Variants in NOL10 observed in about 807,000 individuals in gnomAD.
NOL10 encodes the protein H_NH0074G24.1.
NOL10 carries 58 observed loss-of-function variants against 103.5 expected under a neutral mutation model. That is an observed-to-expected ratio of 0.56 (90% CI 0.45 to 0.70). The LOEUF (loss-of-function observed/expected upper bound fraction) is 0.70. NOL10 is among the 30% of genes least tolerant of loss of function. The pLI is 0.00. For missense variants in NOL10, 763 were observed against 807.3 expected, an observed-to-expected ratio of 0.95 and a Z score of 0.67; for synonymous variants, 287 against 282.5, an observed-to-expected ratio of 1.02 and a Z score of -0.16.
At chr2:10,601,449 A>G (rs778647573) in intron 16 of NOL10, among the ~76,000 whole-genome samples, 10 of 152,302 alleles carry the variant, frequency 6.6e-5, no homozygotes, top group South Asian at 2.1e-4. Flanking sequence ...CATGGCAAAA[A>G]AACGGCAACC....
At chr2:10,633,919 T>A (rs1357412064) in intron 13 of NOL10, among the ~76,000 whole-genome samples, 2 of 152,084 alleles carry the variant, frequency 1.3e-5, no homozygotes, top group Admixed American at 1.3e-4. Context: ...CTCAAACTCC[T>A]GGGCTCAAGG....
At chr2:10,642,852 A>G (rs1320096456) in intron 13 of NOL10, among the ~76,000 whole-genome samples, 2 of 151,842 alleles carry the variant, frequency 1.3e-5, no homozygotes, top group Non-Finnish European at 2.9e-5. Context: ...GGTCTCTCCT[A>G]CGTGCTCCCA....
At position 10,682,081 on chromosome 2, in the gene NOL10, G is replaced by GA; in HGVS notation, c.113-13dup. ...TCTCCTACGGACATCTAAAAAGAGA[G>GA]AAAAAAACAACTAGTTTAACTAACA... On this transcript the variant is annotated splice_polypyrimidine_tract_variant and intron_variant, in intron 2 of 20. Coordinates refer to ENST00000381685, the MANE Select transcript of NOL10 (RefSeq NM_024894.4). 7 of 1,322,996 alleles carry GA rather than the reference G, an allele frequency of 5.3e-6. No homozygotes were observed. Among genetic ancestry groups the GA allele is most frequent in the South Asian group, 5.0e-5 (3 of 60,174 alleles). The allele number at this position is 1,322,996 out of a possible 1,614,324, so 82.0% of individuals were successfully genotyped here.
At chr2:10,643,255 T>C (rs191914795) in intron 13 of NOL10, among the ~76,000 whole-genome samples, 1 of 152,324 alleles carries the variant, frequency 6.6e-6, no homozygotes, top group African/African-American at 2.4e-5. Context: ...ATGCTTTTTT[T>C]ATGTGTGAAA....
At chr2:10,573,949 G>C (rs1674317953) in intron 20 of NOL10, among the ~76,000 whole-genome samples, 1 of 152,112 alleles carries the variant, frequency 6.6e-6, no homozygotes, top group Non-Finnish European at 1.5e-5. Flanking sequence ...TCTCCATGCA[G>C]CAACCGGAAG....
chr2:10,583,223 T>A (rs1674851979), intron 19 of NOL10, among the ~76,000 whole-genome samples: 1 of 152,374 alleles, frequency 6.6e-6, no homozygotes, highest in Middle Eastern at 3.4e-3. Context: ...AATCAGTACA[T>A]CTGTGAATTC....
Position 10,589,739 on chromosome 2 carries a change from T to C in NOL10, c.1435A>G (p.Ile479Val), listed in dbSNP as rs778754665. Residue 479 changes from isoleucine (I) to valine (V), a missense_variant, in exon 18 of 21, where the codon ATT becomes GTT. Transcript: ENST00000381685. ...ACTTTAAATCGATCATCGGTGAGAA[T>C]ATTAGGAAGACTCTACAAGGAGGAA... is the stretch of plus-strand genomic sequence containing the variant. ...WKKKVKSLPN[I>V]LTDDRFKVMF... The C allele has an allele frequency of 2.5e-5, 39 of 1,534,852 alleles. No homozygotes were observed. In the South Asian group the frequency reaches 4.1e-4, roughly 16 times the overall value.
chr2:10,666,748 A>G (rs1251643566), intron 8 of NOL10, among the ~76,000 whole-genome samples: 1 of 152,110 alleles, frequency 6.6e-6, no homozygotes, highest in Non-Finnish European at 1.5e-5. Flanking sequence ...ATACAATTTC[A>G]GTTTGGTAAA....
intron 19 of NOL10, among the ~76,000 whole-genome samples, chr2:10,583,624 T>G (rs960072949): frequency 3.3e-5 from 5 of 152,252 alleles, no homozygotes; most frequent in African/African-American, 4.8e-5. Context: ...CATCTCTACG[T>G]CATCCCTGAC....
chr2:10,666,278 A>C lies in NOL10; in HGVS notation c.591+940T>G, dbSNP rs529952212. Among the ~76,000 whole-genome samples the C allele has an allele frequency of 1.4e-4, 22 of 152,302 alleles. No individual in the cohort carries two copies. The South Asian group carries it at 3.3e-3, about 23-fold the overall frequency. On this transcript the variant is annotated intron_variant, in intron 8 of 20. Transcript: ENST00000381685. Reference sequence around the variant, plus strand: ...TAAAAATAATTTGAGTAAAAAAAAAACCATTAATTCCATCCATATGAAACT... The same window carrying C: ...TAAAAATAATTTGAGTAAAAAAAAACCCATTAATTCCATCCATATGAAACT...
Position 10,607,221 on chromosome 2 carries a change from A to C in NOL10, c.1117T>G (p.Tyr373Asp). ...ENPESTVYDD[Y>D]KFVTKKDLEN... ...AGGTCTTTCTTGGTGACAAATTTAT[A>C]ATCATCATAGACTGTGCTTTCTGGA... The change falls in exon 14 of 21, where the codon TAT becomes GAT. Residue 373 changes from tyrosine to aspartate, a missense_variant. Transcript: ENST00000381685. The C allele has an allele frequency of 1.3e-6, 2 of 1,593,668 alleles. No homozygotes were observed. Among genetic ancestry groups the C allele is most frequent in the Non-Finnish European group, 1.7e-6 (2 of 1,169,348 alleles).
intron 20 of NOL10, 92 bp downstream of exon 20, chr2:10,577,544 T>G (rs1334564787): frequency 6.7e-6 from 6 of 897,738 alleles, no homozygotes; most frequent in East Asian, 2.7e-5. Flanking sequence ...GGAAAAGCAT[T>G]GAGAAGGCTG....
At chr2:10,630,413 C>T (rs553815335) in intron 13 of NOL10, among the ~76,000 whole-genome samples, 16 of 152,254 alleles carry the variant, frequency 1.1e-4, no homozygotes, top group Admixed American at 8.5e-4. Context: ...TGCCATTTGA[C>T]CTTAAACAAT....
intron 13 of NOL10, among the ~76,000 whole-genome samples, chr2:10,618,529 A>G (rs1452492925): frequency 6.6e-6 from 1 of 152,222 alleles, no homozygotes; most frequent in Non-Finnish European, 1.5e-5. Context: ...TATGATTAAT[A>G]TTTGCAAAGT....
rs1558270430 is a variant in NOL10 at position 10,587,158 on chromosome 2, C to CACATATATAT, written c.1844+1884_1844+1885insATATATATGT. 2.7e-3 allele frequency among the ~76,000 whole-genome samples: 88 copies of CACATATATAT among 33,154 alleles called. 13 individuals are homozygous for CACATATATAT. Among genetic ancestry groups the CACATATATAT allele is most frequent in the Middle Eastern group, 0.011 (1 of 88 alleles). 21.8% of individuals were successfully genotyped at this position (33,154 alleles called of 152,430 possible). A position where few individuals can be genotyped will look rare whatever the true frequency, so the allele number is the denominator to read the frequency against. ...ATATACACATATATATACATATATA[C>CACATATATAT]ACATATATACACATATATATACACA... On this transcript the variant is annotated intron_variant, in intron 19 of 20. Transcript: ENST00000381685.
chr2:10,625,193 G>A (rs913889783), intron 13 of NOL10, among the ~76,000 whole-genome samples: 14 of 152,190 alleles, frequency 9.2e-5, no homozygotes, highest in African/African-American at 1.7e-4. Context: ...TATTATGACC[G>A]TGTATACATG....
chr2:10,665,541 G>C (rs1485926750), intron 8 of NOL10, among the ~76,000 whole-genome samples: 1 of 152,168 alleles, frequency 6.6e-6, no homozygotes, highest in East Asian at 1.9e-4. Flanking sequence ...TAATAATCAA[G>C]GAATTTCCGG....
At chr2:10,684,388 C>A (rs1042501060) in intron 2 of NOL10, among the ~76,000 whole-genome samples, 179 bp downstream of exon 2, 1 of 151,956 alleles carries the variant, frequency 6.6e-6, no homozygotes, top group Admixed American at 6.5e-5. Context: ...AGAGACCAGT[C>A]TGGGCAACAC....
chr2:10,609,492 C>T (rs1299330755), intron 13 of NOL10, among the ~76,000 whole-genome samples: 5 of 150,858 alleles, frequency 3.3e-5, no homozygotes, highest in African/African-American at 7.3e-5. Context: ...CCCAGTTACT[C>T]GGGAGGCTGA....
Sources: gnomAD v4.1 joint callset for allele counts (sites outside exome capture counted in the v4.1 genomes callset) on GRCh38, gnomAD v4.1.1 for gene constraint, MANE v1.5 for transcripts, NCBI Gene and HGNC (gene_info 2026-07-23, HGNC 2026-07-21) for gene names.